The following TRPM3 variants were observed in gnomAD, a reference collection of about 807,000 sequenced individuals.
The protein encoded by TRPM3 is transient receptor potential cation channel subfamily M member 3.
A neutral mutation model predicts 181.2 loss-of-function variants in TRPM3; 77 were observed. The observed-to-expected ratio is 0.42, with a 90% confidence interval of 0.35 to 0.51. TRPM3 has a LOEUF of 0.51. Among genes scored for constraint, TRPM3 ranks in the 20% least tolerant of loss-of-function variants. The pLI, the probability that TRPM3 is intolerant of heterozygous loss-of-function variation, is 0.01. For synonymous variants in TRPM3, 745 were observed against 796.4 expected (o/e 0.94, Z 1.09); for missense variants, 1,759 against 2,196.7 (o/e 0.80, Z 3.98).
chr9:70,878,351 T>C (rs2095911204), intron 1 of TRPM3, among the ~76,000 whole-genome samples: 1 of 152,026 alleles, frequency 6.6e-6, no homozygotes, highest in African/African-American at 2.4e-5. Flanking sequence ...ACTTTAGTCA[T>C]TACGTGGAGA....
chr9:70,873,527 T>A (rs919986611), intron 1 of TRPM3, among the ~76,000 whole-genome samples: 1 of 152,026 alleles, frequency 6.6e-6, no homozygotes, highest in Admixed American at 6.6e-5. Context: ...ATTCCCCTCA[T>A]GAACCATGTT....
chr9:70,608,726 G>A (rs1019567691), intron 19 of TRPM3, among the ~76,000 whole-genome samples: 22 of 151,990 alleles, frequency 1.4e-4, no homozygotes, highest in African/African-American at 5.3e-4. Flanking sequence ...TGTAATCCCA[G>A]CTACTCGGGA....
At chr9:70,556,842 T>C (rs2047835641) in intron 22 of TRPM3, among the ~76,000 whole-genome samples, 2 of 152,220 alleles carry the variant, frequency 1.3e-5, no homozygotes, top group Admixed American at 1.3e-4. Flanking sequence ...TATATTACTG[T>C]CAAGTAATGT....
At chr9:71,280,528 G>C (rs1005713480) in intron 1 of TRPM3, among the ~76,000 whole-genome samples, 3 of 151,982 alleles carry the variant, frequency 2.0e-5, no homozygotes, top group South Asian at 2.1e-4. Context: ...AAAAAGAAAA[G>C]AAAAGAAAAG....
intron 1 of TRPM3, among the ~76,000 whole-genome samples, chr9:71,256,965 A>G (rs942576819): frequency 3.9e-5 from 6 of 152,246 alleles, no homozygotes; most frequent in Non-Finnish European, 8.8e-5. Context: ...TTCATAATGT[A>G]TAAATCCTAA....
intron 1 of TRPM3, among the ~76,000 whole-genome samples, chr9:71,058,924 C>T (rs2060971741): frequency 6.6e-6 from 1 of 151,278 alleles, no homozygotes; most frequent in South Asian, 2.1e-4. Context: ...GCTTTCTAAA[C>T]CTCCACTGGT....
At chr9:70,865,165 C>A (rs997171632) in intron 1 of TRPM3, among the ~76,000 whole-genome samples, 3 of 152,014 alleles carry the variant, frequency 2.0e-5, no homozygotes, top group African/African-American at 7.2e-5. Flanking sequence ...GTGCGCCCCA[C>A]ACGCCCTTCA....
Position 70,544,822 on chromosome 9 carries a change from G to C in TRPM3, c.3707+4720C>G, listed in dbSNP as rs940170488. Among the ~76,000 whole-genome samples the C allele has an allele frequency of 3.9e-5, 6 of 151,970 alleles. No homozygotes were observed. The South Asian group carries it at 8.3e-4, about 21-fold the overall frequency. On this transcript the variant is annotated intron_variant, in intron 25 of 25. Transcript: ENST00000677713. ...CTAGGTTAGAACAAACATTTCACAA[G>C]AAGAAGTTTGAGGATATTGAGTCAG...
At chr9:70,602,527 T>TGTC (rs1196115140) in intron 20 of TRPM3, among the ~76,000 whole-genome samples, 1 of 152,210 alleles carries the variant, frequency 6.6e-6, no homozygotes, top group Non-Finnish European at 1.5e-5. Flanking sequence ...TCCTGCTTAC[T>TGTC]GTCATTTCAG....
intron 1 of TRPM3, among the ~76,000 whole-genome samples, chr9:71,263,270 T>C (rs940475070): frequency 1.3e-5 from 2 of 152,240 alleles, no homozygotes; most frequent in African/African-American, 4.8e-5. Flanking sequence ...ACGTTTAACA[T>C]GTCTAAAATG....
At chr9:71,060,594 G>T (rs770400566) in intron 1 of TRPM3, among the ~76,000 whole-genome samples, 3 of 152,122 alleles carry the variant, frequency 2.0e-5, no homozygotes, top group South Asian at 2.1e-4. Flanking sequence ...CTGTGCAATT[G>T]TAAGATTCAA....
At chr9:71,172,709 C>A (rs2076927536) in intron 1 of TRPM3, among the ~76,000 whole-genome samples, 1 of 152,146 alleles carries the variant, frequency 6.6e-6, no homozygotes, top group Non-Finnish European at 1.5e-5. Flanking sequence ...TAAAAGCTCT[C>A]TCACTGGCAC....
At chr9:70,877,658 GT>G (rs1441385138) in intron 1 of TRPM3, among the ~76,000 whole-genome samples, 1 of 151,954 alleles carries the variant, frequency 6.6e-6, no homozygotes, top group Non-Finnish European at 1.5e-5. Flanking sequence ...TGGAAACCAA[GT>G]ATCCTAATTC....
chr9:70,752,547 A>C (rs952525561), intron 8 of TRPM3, among the ~76,000 whole-genome samples: 1 of 152,232 alleles, frequency 6.6e-6, no homozygotes, highest in Non-Finnish European at 1.5e-5. Flanking sequence ...AGGCTGATAC[A>C]TTTAGCTGCA....
chr9:70,933,640 T>C (rs1448152356), intron 1 of TRPM3, among the ~76,000 whole-genome samples: 1 of 151,972 alleles, frequency 6.6e-6, no homozygotes, highest in Non-Finnish European at 1.5e-5. Flanking sequence ...TTCAAAAGTT[T>C]TGTTACAAAG....
At chr9:70,697,129 GTTT>G (rs2070777916) in intron 8 of TRPM3, among the ~76,000 whole-genome samples, 1 of 152,146 alleles carries the variant, frequency 6.6e-6, no homozygotes, top group African/African-American at 2.4e-5. Flanking sequence ...GCCCCAGTAG[GTTT>G]ACCCTGCAAA....
intron 8 of TRPM3, among the ~76,000 whole-genome samples, chr9:70,698,130 C>T (rs2134611831): frequency 6.6e-6 from 1 of 152,034 alleles, no homozygotes; most frequent in Non-Finnish European, 1.5e-5. Flanking sequence ...ATCACTTGAA[C>T]CCGGGAGACG....
intron 1 of TRPM3, among the ~76,000 whole-genome samples, chr9:71,419,928 C>T (rs1182588412): frequency 1.3e-5 from 2 of 151,890 alleles, no homozygotes; most frequent in African/African-American, 4.8e-5. Flanking sequence ...ACATTCTGAA[C>T]ATTTAAACTC....
At chr9:71,339,496 G>T (rs1022662164) in intron 1 of TRPM3, among the ~76,000 whole-genome samples, 1 of 137,964 alleles carries the variant, frequency 7.2e-6, no homozygotes, top group South Asian at 2.5e-4. Context: ...ATGGAACAGA[G>T]TAAGTTCTGA....
Sources: allele counts gnomAD v4.1 joint callset (sites outside exome capture counted in the v4.1 genomes callset), GRCh38; gene constraint gnomAD v4.1.1; transcripts MANE v1.5; gene names NCBI Gene and HGNC (gene_info 2026-07-23, HGNC 2026-07-21).